Variants in ARHGEF10L observed in about 807,000 individuals in gnomAD.
ARHGEF10L encodes the protein rho guanine nucleotide exchange factor 10-like protein.
Under a neutral mutation model 141.2 loss-of-function variants are expected in ARHGEF10L, and 69 were observed. The ratio of observed to expected loss-of-function variants is 0.49; its 90% CI spans 0.40 to 0.60. The LOEUF (loss-of-function observed/expected upper bound fraction) is 0.60. ARHGEF10L is among the 20% of genes least tolerant of loss of function. The pLI, the probability that ARHGEF10L is intolerant of heterozygous loss-of-function variation, is 0.00. For synonymous variants in ARHGEF10L, 711 were observed against 718.5 expected (o/e 0.99, Z 0.17); for missense variants, 1,482 against 1,734.3 (o/e 0.85, Z 2.58).
At chr1:17,669,833 C>T (rs767737324) in intron 26 of ARHGEF10L, among the ~76,000 whole-genome samples, 1 of 152,236 alleles carries the variant, frequency 6.6e-6, no homozygotes, top group African/African-American at 2.4e-5. Flanking sequence ...CTCAGCAGTC[C>T]AGGAGCTCGG....
At chr1:17,611,687 A>G (rs2059558884) in intron 7 of ARHGEF10L, among the ~76,000 whole-genome samples, 1 of 152,134 alleles carries the variant, frequency 6.6e-6, no homozygotes, top group Admixed American at 6.5e-5. Context: ...ATGTACATTT[A>G]ATTTTCTCAA....
At chr1:17,658,761 G>A (rs1175828000) in intron 25 of ARHGEF10L, among the ~76,000 whole-genome samples, 32 of 151,830 alleles carry the variant, frequency 2.1e-4, no homozygotes, top group Non-Finnish European at 1.5e-5. Flanking sequence ...TGTACATGAT[G>A]CCGAGGGCTC....
chr1:17,697,548 T>A lies in ARHGEF10L; in HGVS notation c.*168T>A. 1 of 923,124 alleles carries A rather than the reference T, an allele frequency of 1.1e-6. No individual in the cohort carries two copies. The highest frequency in any genetic ancestry group is 1.6e-6 in the Non-Finnish European group (1 of 620,620). The allele number at this position is 923,124 out of a possible 1,614,324, so 57.2% of individuals were successfully genotyped here. On this transcript the variant is annotated 3_prime_UTR_variant, in exon 29 of 29. Coordinates refer to ENST00000361221, the MANE Select transcript of ARHGEF10L (RefSeq NM_018125.4). The surrounding 1 kb of genome is among the most constrained non-coding windows in gnomAD (Gnocchi z 4.8). ...TGTTTTAAAAAAATTTTTTTCAGAG[T>A]GTTTTGGGGAGGAGTTTTAGGGCTT...
chr1:17,683,182 C>T (rs1386599028), intron 26 of ARHGEF10L, among the ~76,000 whole-genome samples: 1 of 135,862 alleles, frequency 7.4e-6, no homozygotes, highest in Admixed American at 7.2e-5. Flanking sequence ...GTGGTGCTCA[C>T]TGCCCCCTGC....
chr1:17,538,635 C>G (rs976702534), upstream of ARHGEF10L, among the ~76,000 whole-genome samples: 3 of 148,666 alleles, frequency 2.0e-5, no homozygotes, highest in African/African-American at 7.5e-5. Flanking sequence ...TGGGGTCTGT[C>G]TGGTTCTTTG....
chr1:17,677,047 G>A (rs1329278774), intron 26 of ARHGEF10L, among the ~76,000 whole-genome samples: 2 of 152,056 alleles, frequency 1.3e-5, no homozygotes, highest in Non-Finnish European at 2.9e-5. Context: ...GGCCCGGCAG[G>A]CATGGACGCT....
chr1:17,521,845 T>C, the ARHGEF10L span, among the ~76,000 whole-genome samples: 1 of 152,096 alleles, frequency 6.6e-6, no homozygotes, highest in Non-Finnish European at 1.5e-5. Flanking sequence ...AAGCTGAGGT[T>C]GGAAGGGGGA....
At position 17,636,365 on chromosome 1, in the gene ARHGEF10L, C is replaced by T. The variant is rs142079256; in HGVS notation, c.1927+1349C>T. Among the ~76,000 whole-genome samples, 319 of 152,330 alleles carry T rather than the reference C, an allele frequency of 2.1e-3. 2 individuals carry two copies. Among genetic ancestry groups the T allele is most frequent in the African/African-American group, 7.6e-3 (314 of 41,572 alleles). ...AACTCCCTGTAATCAACTCCTTCTG[C>T]TTATAGCCCTTGAAGAACCATAAAA... On this transcript the variant is annotated intron_variant, in intron 18 of 28. Transcript: ENST00000361221.
intron 26 of ARHGEF10L, among the ~76,000 whole-genome samples, chr1:17,668,899 A>T (rs1461577886): frequency 6.6e-6 from 1 of 152,138 alleles, no homozygotes; most frequent in Non-Finnish European, 1.5e-5. Context: ...GGTTGCTGCT[A>T]ACGACTGCTT....
At chr1:17,610,950 G>GT (rs2059516876) in intron 7 of ARHGEF10L, among the ~76,000 whole-genome samples, 1 of 149,806 alleles carries the variant, frequency 6.7e-6, no homozygotes, top group African/African-American at 2.5e-5. Flanking sequence ...CAGGATCTGT[G>GT]GTTTTTTTTT....
At chr1:17,665,504 C>T (rs555345790) in intron 26 of ARHGEF10L, among the ~76,000 whole-genome samples, 4 of 152,208 alleles carry the variant, frequency 2.6e-5, no homozygotes, top group East Asian at 3.9e-4. Flanking sequence ...GGATGTGGTC[C>T]GCCCCTTTCC....
chr1:17,552,781 T>C (rs558353768), intron 1 of ARHGEF10L, among the ~76,000 whole-genome samples: 42 of 152,158 alleles, frequency 2.8e-4, no homozygotes, highest in African/African-American at 1.0e-3. Context: ...CTTCATTTTA[T>C]AGATGACACA....
intron 1 of ARHGEF10L, among the ~76,000 whole-genome samples, chr1:17,562,986 G>T (rs1029120963): frequency 6.6e-6 from 1 of 152,192 alleles, no homozygotes; most frequent in Admixed American, 6.5e-5. Context: ...CGGAAGTTGA[G>T]GACTGGCCTG....
intron 26 of ARHGEF10L, among the ~76,000 whole-genome samples, chr1:17,682,128 C>A (rs2064174516): frequency 6.6e-6 from 1 of 152,152 alleles, no homozygotes; most frequent in African/African-American, 2.4e-5. Context: ...GTTCTTTGAG[C>A]CCTTCCTTGC....
Position 17,656,372 on chromosome 1 carries a change from G to A in ARHGEF10L, c.2706-182G>A, listed in dbSNP as rs890580949. ...TGACAGAGGTGTCAGGGAGGGTACC[G>A]TCCCAGAAAACCATGGAAAAGTGAG... is the stretch of plus-strand genomic sequence containing the variant. On this transcript the variant is annotated intron_variant, in intron 24 of 28. Transcript: ENST00000361221. This position sits in a 1 kb window ranked among gnomAD's most constrained non-coding sequence, Gnocchi z 4.9. Among the ~76,000 whole-genome samples, 2 of 152,158 alleles carry A rather than the reference G, an allele frequency of 1.3e-5. No individual in the cohort carries two copies. Among genetic ancestry groups the A allele is most frequent in the East Asian group, 1.9e-4 (1 of 5,180 alleles).
rs1182325824 is a variant in ARHGEF10L at position 17,603,489 on chromosome 1, C to G, written c.350-19C>G. 6.2e-7 allele frequency: 1 copy of G among 1,609,402 alleles called. No individual in the cohort carries two copies. The highest frequency in any genetic ancestry group is 1.3e-5 in the African/African-American group (1 of 74,832). On this transcript the variant is annotated intron_variant, in intron 5 of 28. Coordinates refer to ENST00000361221, the MANE Select transcript of ARHGEF10L (RefSeq NM_018125.4). The surrounding 1 kb of genome is among the most constrained non-coding windows in gnomAD (Gnocchi z 4.8). Reference sequence around the variant, plus strand: ...GCCACAGCCCACGGTGGTGCTCTCTCTCCCCACTTCCCTCCCAGTTGACCG... The same window carrying G: ...GCCACAGCCCACGGTGGTGCTCTCTGTCCCCACTTCCCTCCCAGTTGACCG...
At chr1:17,632,174 A>T in intron 15 of ARHGEF10L, 147 bp from the exon 16 acceptor site, 1 of 986,550 alleles carries the variant, frequency 1.0e-6, no homozygotes, top group Admixed American at 2.0e-5. Context: ...GCATCTTGTC[A>T]CCCAGGGATG....
chr1:17,587,653 G>A lies in ARHGEF10L; in HGVS notation c.223+8G>A, dbSNP rs376571058. The A allele has an allele frequency of 5.4e-5, 86 of 1,602,978 alleles. No individual in the cohort carries two copies. The highest frequency in any genetic ancestry group is 7.2e-5 in the Non-Finnish European group (85 of 1,173,478). On this transcript the variant is annotated splice_region_variant and intron_variant, in intron 3 of 28. Coordinates refer to ENST00000361221, the MANE Select transcript of ARHGEF10L (RefSeq NM_018125.4). ...ACTCCATCCCTGTCACTGGTAAGAT[G>A]TTTCTGGGAACTTCCGGTCCTGGGG...
chr1:17,685,455 A>G (rs1277731099), intron 26 of ARHGEF10L, among the ~76,000 whole-genome samples: 1 of 151,920 alleles, frequency 6.6e-6, no homozygotes. Context: ...CCTCCCAATC[A>G]TTGAGGGGCT....
Sources: gnomAD v4.1 joint callset for allele counts (sites outside exome capture counted in the v4.1 genomes callset) on GRCh38, gnomAD v4.1.1 for gene constraint, Gnocchi (gnomAD v3.1) non-coding constraint, MANE v1.5 for transcripts, NCBI Gene and HGNC (gene_info 2026-07-23, HGNC 2026-07-21) for gene names.